FGF14: variants seen among roughly 807,000 people sequenced by gnomAD.
The protein encoded by FGF14 is fibroblast growth factor 14.
A neutral mutation model predicts 25.5 loss-of-function variants in FGF14; 5 were observed. The ratio of observed to expected loss-of-function variants is 0.20; its 90% confidence interval spans 0.10 to 0.41. FGF14 has a LOEUF of 0.41. Among genes scored for constraint, FGF14 ranks in the 10% least tolerant of loss-of-function variants. FGF14 has a pLI of 1.00. For synonymous variants in FGF14, 138 were observed against 118.3 expected (o/e 1.17, Z -1.08); for missense variants, 222 against 320.1 (o/e 0.69, Z 2.34).
chr13:102,268,421 T>C (rs1304470387), intron 1 of FGF14, among the ~76,000 whole-genome samples: 5 of 152,148 alleles, frequency 3.3e-5, no homozygotes, highest in African/African-American at 2.4e-5. Context: ...TGTTATACTA[T>C]GATATCATTT....
chr13:101,832,068 T>C (rs1172441535), intron 3 of FGF14, among the ~76,000 whole-genome samples: 4 of 152,066 alleles, frequency 2.6e-5, no homozygotes, highest in Non-Finnish European at 5.9e-5. Flanking sequence ...TTATCCTTTA[T>C]CATCTGGGTA....
chr13:102,365,680 C>G (rs1407909312), intron 1 of FGF14, among the ~76,000 whole-genome samples: 1 of 152,128 alleles, frequency 6.6e-6, no homozygotes, highest in African/African-American at 2.4e-5. Flanking sequence ...GTCCTCATGT[C>G]TGAATTTCAG....
At chr13:102,066,312 G>A (rs1446078291) in intron 1 of FGF14, among the ~76,000 whole-genome samples, 1 of 152,042 alleles carries the variant, frequency 6.6e-6, no homozygotes, top group African/African-American at 2.4e-5. Flanking sequence ...TGTTACTGTA[G>A]CATATGATTA....
intron 1 of FGF14, among the ~76,000 whole-genome samples, chr13:101,883,472 T>G (rs981698873): frequency 2.0e-5 from 3 of 152,216 alleles, no homozygotes; most frequent in African/African-American, 7.2e-5. Context: ...GAATCTACTT[T>G]GTTCCAAGCG....
intron 1 of FGF14, chr13:102,393,820 G>A (rs1353394957): frequency 6.6e-6 from 1 of 152,192 alleles, no homozygotes; most frequent in Non-Finnish European, 1.5e-5. Context: ...CACTGGGAAG[G>A]AGTTGCCACA....
chr13:101,987,150 CT>C (rs2038631787), intron 1 of FGF14, among the ~76,000 whole-genome samples: 1 of 152,090 alleles, frequency 6.6e-6, no homozygotes, highest in Admixed American at 6.6e-5. Context: ...TACTTAGTAT[CT>C]TCTTTTTAAA....
intron 1 of FGF14, among the ~76,000 whole-genome samples, chr13:102,344,369 C>T (rs945120922): frequency 2.0e-5 from 3 of 152,182 alleles, no homozygotes; most frequent in South Asian, 2.1e-4. Flanking sequence ...GATTATAATA[C>T]GTGTTGCTTC....
chr13:101,930,758 A>C (rs2034700333), intron 1 of FGF14, among the ~76,000 whole-genome samples: 1 of 152,204 alleles, frequency 6.6e-6, no homozygotes, highest in South Asian at 2.1e-4. Context: ...AGGTATGTCA[A>C]GGAAAATAAA....
intron 1 of FGF14, among the ~76,000 whole-genome samples, chr13:102,317,603 T>C (rs1188075424): frequency 6.6e-6 from 1 of 152,214 alleles, no homozygotes; most frequent in East Asian, 1.9e-4. Context: ...TTCTAAACAC[T>C]TTCCAAAATA....
At chr13:101,892,540 C>T (rs561855773) in intron 1 of FGF14, among the ~76,000 whole-genome samples, 18 of 152,272 alleles carry the variant, frequency 1.2e-4, no homozygotes, top group African/African-American at 3.6e-4. Context: ...CTCACTACCA[C>T]GTCCCCAAAA....
intron 1 of FGF14, among the ~76,000 whole-genome samples, chr13:102,135,060 C>CACACAAAAAA (rs1309843867): frequency 7.2e-6 from 1 of 139,272 alleles, no homozygotes; most frequent in African/African-American, 2.6e-5. Context: ...CACACACACA[C>CACACAAAAAA]AAATCCGCGT....
intron 1 of FGF14, among the ~76,000 whole-genome samples, chr13:102,389,108 CT>C (rs993258563): frequency 6.6e-6 from 1 of 152,014 alleles, no homozygotes; most frequent in Non-Finnish European, 1.5e-5. Flanking sequence ...AAGATTTCCC[CT>C]TCTTCCCCTT....
intron 1 of FGF14, among the ~76,000 whole-genome samples, chr13:102,275,190 T>A (rs1215225824): frequency 6.6e-6 from 1 of 151,028 alleles, no homozygotes; most frequent in Non-Finnish European, 1.5e-5. Flanking sequence ...CTTCCTGTAA[T>A]GTCCTGCAGA....
Position 101,713,812 on chromosome 13 carries a change from A to G in FGF14, c.*9019T>C, listed in dbSNP as rs2034589674. 1 of 152,168 alleles carries G rather than the reference A, an allele frequency of 6.6e-6. No homozygotes were observed. Among genetic ancestry groups the G allele is most frequent in the Non-Finnish European group, 1.5e-5 (1 of 68,030 alleles). The allele number at this position is 152,168 out of a possible 1,614,324, so 9.4% of individuals were successfully genotyped here. The stretch of plus-strand genomic sequence containing the variant: ...GAAAAAGAGTTGAATCCAGAGCCTC[A>G]TAAAATATGAACTTTGGGAGTAATT... On this transcript the variant is annotated 3_prime_UTR_variant, in exon 5 of 5. Transcript: ENST00000376143.
intron 3 of FGF14, among the ~76,000 whole-genome samples, chr13:101,817,447 A>G (rs1007250492): frequency 1.3e-5 from 2 of 152,228 alleles, no homozygotes; most frequent in East Asian, 3.8e-4. Context: ...AATTTAAAAA[A>G]AGGTGGCAGA....
chr13:101,997,625 A>G (rs1011329427), intron 1 of FGF14, among the ~76,000 whole-genome samples: 1 of 152,174 alleles, frequency 6.6e-6, no homozygotes, highest in African/African-American at 2.4e-5. Context: ...ACTTCTAACA[A>G]GCTTCCAGGT....
At chr13:101,769,169 A>G (rs866899186) in intron 3 of FGF14, among the ~76,000 whole-genome samples, 39 of 152,176 alleles carry the variant, frequency 2.6e-4, no homozygotes, top group African/African-American at 8.7e-4. Flanking sequence ...AAGTTGCCAA[A>G]GAAGATATAC....
At chr13:102,018,489 A>G (rs545184206) in intron 1 of FGF14, among the ~76,000 whole-genome samples, 14 of 151,888 alleles carry the variant, frequency 9.2e-5, no homozygotes, top group Admixed American at 7.2e-4. Flanking sequence ...GGTTATCTCA[A>G]CTCCATGCTT....
chr13:102,113,091 G>C (rs2045310097), intron 1 of FGF14, among the ~76,000 whole-genome samples: 1 of 152,186 alleles, frequency 6.6e-6, no homozygotes, highest in Non-Finnish European at 1.5e-5. Context: ...TCAATTAGCA[G>C]TATGAACAGA....
Sources: allele counts gnomAD v4.1 joint callset (sites outside exome capture counted in the v4.1 genomes callset), GRCh38; gene constraint gnomAD v4.1.1; transcripts MANE v1.5; gene names NCBI Gene and HGNC (gene_info 2026-07-23, HGNC 2026-07-21).